The following KLRG1 variants were observed in gnomAD, a reference collection of about 807,000 sequenced individuals.
KLRG1 encodes the protein killer cell lectin-like receptor subfamily G member 1.
Under a neutral mutation model 21.8 loss-of-function variants are expected in KLRG1, and 16 were observed. That is an observed-to-expected ratio of 0.73 (90% confidence interval 0.50 to 1.11). The LOEUF (loss-of-function observed/expected upper bound fraction) is 1.11, where lower values mean the gene tolerates loss of function less well. KLRG1 is among the 50% of genes most tolerant of loss of function. The probability of loss-of-function intolerance (pLI) is 0.00; values close to 1 mark genes in which losing one functional copy is unlikely to be tolerated. For missense variants in KLRG1, 173 were observed against 218.3 expected, an observed-to-expected ratio of 0.79 and a Z score of 1.31; for synonymous variants, 69 against 75.9, an observed-to-expected ratio of 0.91 and a Z score of 0.47.
At chr12:9,051,789 A>G in the KLRG1 span, among the ~76,000 whole-genome samples, 3 of 152,214 alleles carry the variant, frequency 2.0e-5, no homozygotes, top group Non-Finnish European at 4.4e-5. Context: ...TGACTTTTCA[A>G]CATTAAACCA....
the KLRG1 span, among the ~76,000 whole-genome samples, chr12:9,061,011 C>T: frequency 6.6e-6 from 1 of 151,902 alleles, no homozygotes; most frequent in African/African-American, 2.4e-5. Flanking sequence ...ATATTATTTC[C>T]TTTTTTCATC....
At chr12:9,110,220 A>G in the KLRG1 span, 2 of 1,189,678 alleles carry the variant, frequency 1.7e-6, no homozygotes, top group Non-Finnish European at 2.4e-6. Context: ...CTTTAATGAC[A>G]AGTTTCTGAG....
chr12:9,108,537 A>G, the KLRG1 span, among the ~76,000 whole-genome samples: 143 of 152,254 alleles, frequency 9.4e-4, no homozygotes, highest in African/African-American at 3.3e-3. Flanking sequence ...CTGTATGTCT[A>G]TTTGCAAGAT....
the KLRG1 span, among the ~76,000 whole-genome samples, chr12:9,085,292 C>A: frequency 6.6e-6 from 1 of 151,980 alleles, no homozygotes; most frequent in African/African-American, 2.4e-5. Flanking sequence ...AGACTGAAAT[C>A]GTTTCATCGT....
chr12:9,136,648 A>G, the KLRG1 span, among the ~76,000 whole-genome samples: 3 of 152,196 alleles, frequency 2.0e-5, no homozygotes, highest in Non-Finnish European at 4.4e-5. Flanking sequence ...TAACACCAAC[A>G]GTATACAAAG....
chr12:9,193,081 G>A, the KLRG1 span, among the ~76,000 whole-genome samples: 1 of 152,146 alleles, frequency 6.6e-6, no homozygotes, highest in Admixed American at 6.5e-5. Context: ...TCATGAATTG[G>A]CTTAATTAAA....
the KLRG1 span, chr12:9,182,145 T>A: frequency 6.2e-7 from 1 of 1,607,508 alleles, no homozygotes; most frequent in Admixed American, 1.7e-5. Context: ...TGAGACAAAA[T>A]GGTCATAAGT....
the KLRG1 span, among the ~76,000 whole-genome samples, chr12:9,135,786 T>C: frequency 1.1e-4 from 16 of 152,326 alleles, no homozygotes; most frequent in South Asian, 3.3e-3. Flanking sequence ...TAATAGCCTA[T>C]GAGTCCAAGT....
chr12:9,023,983 C>T, the KLRG1 span, among the ~76,000 whole-genome samples: 4 of 146,668 alleles, frequency 2.7e-5, no homozygotes, highest in African/African-American at 5.1e-5. Context: ...TCTTTTGGCA[C>T]CTATGTTGAA....
the KLRG1 span, chr12:9,077,880 T>C: frequency 1.2e-6 from 2 of 1,613,958 alleles, no homozygotes; most frequent in Non-Finnish European, 1.7e-6. Flanking sequence ...GAAGCAATCA[T>C]GATGTTTATG....
chr12:9,148,023 G>T, the KLRG1 span, among the ~76,000 whole-genome samples: 2 of 151,772 alleles, frequency 1.3e-5, no homozygotes, highest in Admixed American at 1.3e-4. Flanking sequence ...TCCATAAAAG[G>T]CATTAACTAC....
At chr12:9,104,725 A>G in the KLRG1 span, among the ~76,000 whole-genome samples, 1 of 152,222 alleles carries the variant, frequency 6.6e-6, no homozygotes, top group South Asian at 2.1e-4. Context: ...ATATTTTGGA[A>G]GTGCTGTGTA....
At chr12:9,182,136 G>GAGACAAAATGGTCATAAGTC in the KLRG1 span, 1 of 1,610,840 alleles carries the variant, frequency 6.2e-7, no homozygotes, top group Non-Finnish European at 8.5e-7. Flanking sequence ...TGGAGAGAGT[G>GAGACAAAATGGTCATAAGTC]AGACAAAATG....
chr12:9,154,620 G>A, the KLRG1 span: 1 of 1,614,010 alleles, frequency 6.2e-7, no homozygotes, highest in Non-Finnish European at 8.5e-7. Context: ...ACTGACCTGG[G>A]TGGAGGAGAA....
At chr12:9,072,272 T>C in the KLRG1 span, 1 of 1,448,440 alleles carries the variant, frequency 6.9e-7, no homozygotes, top group Non-Finnish European at 9.5e-7. Flanking sequence ...AAATATCTAC[T>C]GTTGCACTGC....
chr12:9,090,718 G>A, the KLRG1 span, among the ~76,000 whole-genome samples: 2 of 152,168 alleles, frequency 1.3e-5, no homozygotes, highest in Non-Finnish European at 2.9e-5. Flanking sequence ...GGGACCAGAG[G>A]AAGGGAAAGG....
chr12:9,192,716 C>G, the KLRG1 span: 1 of 1,612,336 alleles, frequency 6.2e-7, no homozygotes, highest in Non-Finnish European at 8.5e-7. Context: ...AGTGAAAACA[C>G]AAGTTGGGAT....
intron 1 of KLRG1, among the ~76,000 whole-genome samples, chr12:8,973,705 CTGTGTCT>C (rs746354231): frequency 4.6e-4 from 70 of 152,298 alleles, no homozygotes; most frequent in African/African-American, 1.6e-3. Flanking sequence ...TTCCATTTAT[CTGTGTCT>C]TATTTAATTT....
the KLRG1 span, among the ~76,000 whole-genome samples, chr12:9,041,677 T>G: frequency 6.6e-6 from 1 of 152,146 alleles, no homozygotes; most frequent in Admixed American, 6.5e-5. Context: ...AGAGACCAGG[T>G]AGAGAGGACC....
Sources: allele counts gnomAD v4.1 joint callset (sites outside exome capture counted in the v4.1 genomes callset), GRCh38; gene constraint gnomAD v4.1.1; transcripts MANE v1.5; gene names NCBI Gene and HGNC (gene_info 2026-07-23, HGNC 2026-07-21).